DENND6A: variants seen among roughly 807,000 people sequenced by gnomAD.
The protein encoded by DENND6A is DENN domain containing 6A.
In DENND6A, 43 loss-of-function variants were observed where a neutral mutation model predicts 95.5. That is an observed-to-expected ratio of 0.45 (90% CI 0.35 to 0.58). DENND6A has a LOEUF of 0.58. Ranked by LOEUF, DENND6A falls within the 20% of genes least tolerant of loss-of-function variation. The pLI, the probability that DENND6A is intolerant of heterozygous loss-of-function variation, is 0.00. For synonymous variants in DENND6A, 257 were observed against 260.4 expected, an observed-to-expected ratio of 0.99 and a Z score of 0.13; for missense variants, 574 against 736.0, an observed-to-expected ratio of 0.78 and a Z score of 2.55.
intron 4 of DENND6A, 76 bp downstream of exon 4, chr3:57,666,047 G>A: frequency 8.4e-7 from 1 of 1,189,868 alleles, no homozygotes; most frequent in Non-Finnish European, 1.2e-6. Flanking sequence ...TTTCTGAATG[G>A]TGTCAGCGGT....
At position 57,650,421 on chromosome 3, in the gene DENND6A, TACACAC is replaced by T. The variant is rs67472290; in HGVS notation, c.819-3989_819-3984del. 1.3e-3 allele frequency among the ~76,000 whole-genome samples: 192 copies of T among 149,972 alleles called. 1 individual carries two copies. In the East Asian group the frequency reaches 0.026, roughly 20 times the overall value. On this transcript the variant is annotated intron_variant, in intron 9 of 19. Transcript: ENST00000311128. ...GTGTGTATATATACATGCATTTACA[TACACAC>T]ACACACACACACACACACATACATA...
intron 14 of DENND6A, 49 bp downstream of exon 14, chr3:57,634,509 A>T: frequency 9.3e-7 from 1 of 1,072,948 alleles, no homozygotes; most frequent in Non-Finnish European, 1.3e-6. Flanking sequence ...ACTGGATATT[A>T]CATACCTGAA....
At chr3:57,652,393 T>C (rs1439270021) in intron 9 of DENND6A, among the ~76,000 whole-genome samples, 3 of 152,086 alleles carry the variant, frequency 2.0e-5, no homozygotes, top group East Asian at 3.9e-4. Context: ...GTAAGCCTTG[T>C]AGGGAAGCAG....
intron 1 of DENND6A, among the ~76,000 whole-genome samples, chr3:57,691,395 C>CAGCTACT (rs1375213444): frequency 6.6e-6 from 1 of 152,188 alleles, no homozygotes. Flanking sequence ...TTGGCCTTAT[C>CAGCTACT]AGCTACTATG....
At chr3:57,682,470 A>C (rs2077175336) in intron 1 of DENND6A, among the ~76,000 whole-genome samples, 1 of 152,072 alleles carries the variant, frequency 6.6e-6, no homozygotes, top group African/African-American at 2.4e-5. Context: ...TTCACCATTT[A>C]TGCGCCTATC....
chr3:57,678,752 T>C (rs1354025314), intron 1 of DENND6A, among the ~76,000 whole-genome samples: 1 of 152,214 alleles, frequency 6.6e-6, no homozygotes, highest in Non-Finnish European at 1.5e-5. Context: ...ACAAAATTGG[T>C]AAGCAACTTC....
chr3:57,672,732 G>A (rs749946651), intron 1 of DENND6A, among the ~76,000 whole-genome samples: 14 of 151,976 alleles, frequency 9.2e-5, no homozygotes, highest in African/African-American at 1.7e-4. Flanking sequence ...GTAGTAAGCC[G>A]AGATCATGCC....
intron 1 of DENND6A, among the ~76,000 whole-genome samples, chr3:57,675,727 C>T (rs1248340614): frequency 2.0e-5 from 3 of 152,202 alleles, no homozygotes; most frequent in Non-Finnish European, 2.9e-5. Flanking sequence ...ACACACTCTA[C>T]AAGCCAACCA....
chr3:57,692,961 C>G lies in DENND6A; in HGVS notation c.58G>C (p.Ala20Pro), dbSNP rs773249816. ...GPGSRRPLDE[A>P]VAGAEGREAP... Reference sequence around the variant, plus strand: ...TCGCGGCCCTCGGCCCCTGCCACCGCTTCGTCCAACGGCCTTCGAGAGCCG... The same window carrying G: ...TCGCGGCCCTCGGCCCCTGCCACCGGTTCGTCCAACGGCCTTCGAGAGCCG... Residue 20 changes from alanine (A) to proline (P), a missense_variant, in exon 1 of 20, where the codon GCG becomes CCG. Coordinates refer to ENST00000311128, the MANE Select transcript of DENND6A (RefSeq NM_152678.3). The G allele has an allele frequency of 6.5e-6, 10 of 1,543,736 alleles. No individual in the cohort carries two copies. The East Asian group carries it at 1.0e-4, about 16-fold the overall frequency.
intron 1 of DENND6A, among the ~76,000 whole-genome samples, chr3:57,690,684 T>TA (rs34961564): frequency 0.38 from 54,314 of 141,096 alleles, 11,236 homozygotes; most frequent in South Asian, 0.55. Context: ...ACTCTGTCTT[T>TA]AAAAAAAAAA....
In DENND6A at chr3:57,628,226, C is replaced by T. The variant is rs148745406; in HGVS notation, c.1815G>A (p.Thr605=). 18 of 1,612,290 alleles carry T rather than the reference C, an allele frequency of 1.1e-5. No individual in the cohort carries two copies. The South Asian group carries it at 1.4e-4, about 13-fold the overall frequency. The change falls in exon 20 of 20, where the codon ACG becomes ACA. Residue 605 remains threonine, a synonymous_variant. Coordinates refer to ENST00000311128, the MANE Select transcript of DENND6A (RefSeq NM_152678.3). ...ATCTTGGCAAATATCATGTCATGCC[C>T]GTTTTGAGCAGTATGCCTTGCAAGT... is the stretch of plus-strand genomic sequence containing the variant. The part of the protein sequence containing the change: ...PEDLQGILLK[T]GMT
intron 7 of DENND6A, 126 bp from the exon 8 acceptor site, chr3:57,659,306 C>G: frequency 1.1e-6 from 1 of 939,380 alleles, no homozygotes. Context: ...TTATCTATGT[C>G]AGAGTTAAAA....
intron 1 of DENND6A, among the ~76,000 whole-genome samples, chr3:57,674,164 C>T (rs968232027): frequency 1.3e-5 from 2 of 151,912 alleles, no homozygotes; most frequent in South Asian, 2.1e-4. Flanking sequence ...GGGAGGATCA[C>T]GAGGGCAGGA....
At chr3:57,628,380 C>T (rs2070581305) in intron 19 of DENND6A, 35 bp from the exon 20 acceptor site, 1 of 1,604,328 alleles carries the variant, frequency 6.2e-7, no homozygotes, top group African/African-American at 1.3e-5. Flanking sequence ...TTTAAATTAT[C>T]CTCAGAATCT....
chr3:57,642,519 G>A (rs1344833421), intron 11 of DENND6A, among the ~76,000 whole-genome samples: 1 of 152,002 alleles, frequency 6.6e-6, no homozygotes, highest in Non-Finnish European at 1.5e-5. Context: ...TGGCCTGTCT[G>A]TAGAACTACA....
intron 9 of DENND6A, among the ~76,000 whole-genome samples, chr3:57,647,890 G>C (rs992991904): frequency 6.6e-6 from 1 of 152,018 alleles, no homozygotes; most frequent in African/African-American, 2.4e-5. Context: ...AGAAGAATCA[G>C]AGAGTGAGCA....
chr3:57,628,017 C>T lies in DENND6A; in HGVS notation c.*197G>A, dbSNP rs2070569694. On this transcript the variant is annotated 3_prime_UTR_variant, in exon 20 of 20. Coordinates refer to ENST00000311128, the MANE Select transcript of DENND6A (RefSeq NM_152678.3). ...TCGGTGTTTCAGTATTAAAGTGGAACCACCACAGATATCCACTTTAAAAAG... is the reference window on the plus strand; with the variant it reads ...TCGGTGTTTCAGTATTAAAGTGGAATCACCACAGATATCCACTTTAAAAAG... 1.6e-6 allele frequency: 1 copy of T among 625,728 alleles called. No homozygotes were observed. Among genetic ancestry groups the T allele is most frequent in the South Asian group, 3.2e-5 (1 of 31,634 alleles). 38.8% of individuals were successfully genotyped at this position (625,728 alleles called of 1,614,324 possible). A position where few individuals can be genotyped will look rare whatever the true frequency, so the allele number is the denominator to read the frequency against.
At chr3:57,648,617 C>T (rs2071129504) in intron 9 of DENND6A, among the ~76,000 whole-genome samples, 1 of 152,072 alleles carries the variant, frequency 6.6e-6, no homozygotes, top group African/African-American at 2.4e-5. Flanking sequence ...CTTCAAACTA[C>T]ACTGTAAAGC....
At chr3:57,680,354 G>A (rs940580712) in intron 1 of DENND6A, among the ~76,000 whole-genome samples, 2 of 152,228 alleles carry the variant, frequency 1.3e-5, no homozygotes, top group South Asian at 2.1e-4. Context: ...GGTGATAGCG[G>A]TATTAGGAGG....
Sources: gnomAD v4.1 joint callset for allele counts (sites outside exome capture counted in the v4.1 genomes callset) on GRCh38, gnomAD v4.1.1 for gene constraint, MANE v1.5 for transcripts, NCBI Gene and HGNC (gene_info 2026-07-23, HGNC 2026-07-21) for gene names.